The following ABCC8 variants were observed in gnomAD, a reference collection of about 807,000 sequenced individuals.
ABCC8 encodes the protein ATP-binding cassette sub-family C member 8.
ABCC8 carries 137 observed loss-of-function variants against 188.0 expected under a neutral mutation model. The observed-to-expected ratio is 0.73, with a 90% CI of 0.63 to 0.84. The LOEUF is 0.84. Ranked by LOEUF, ABCC8 falls within the 40% of genes least tolerant of loss-of-function variation. The pLI is 0.00. For missense variants in ABCC8, 1,750 were observed against 2,072.7 expected (o/e 0.84, Z 3.02); for synonymous variants, 797 against 846.5 (o/e 0.94, Z 1.01).
Position 17,427,967 on chromosome 11 carries a change from C to G in ABCC8, c.2041-25G>C. 6.2e-7 allele frequency: 1 copy of G among 1,609,846 alleles called. No homozygotes were observed. On this transcript the variant is annotated intron_variant, in intron 14 of 38. Coordinates refer to ENST00000389817, the MANE Select transcript of ABCC8 (RefSeq NM_000352.6). The surrounding 1 kb of genome is among the most constrained non-coding windows in gnomAD (Gnocchi z 5.0). ...TCTTCATTAGGCGTGTCCCACCGCC[C>G]AGGAGAGAACAGAAAGGCAGCCAGT... is the stretch of plus-strand genomic sequence containing the variant.
At chr11:17,436,262 G>T (rs1956092438) in intron 10 of ABCC8, 2 of 463,484 alleles carry the variant, frequency 4.3e-6, no homozygotes, top group Non-Finnish European at 8.0e-6. Flanking sequence ...GGGGCTCTGG[G>T]GTGGATGTGG....
chr11:17,405,358 A>C, intron 27 of ABCC8, 136 bp downstream of exon 27: 1 of 1,388,712 alleles, frequency 7.2e-7, no homozygotes, highest in Non-Finnish European at 1.0e-6. Context: ...CAGCATTATA[A>C]TCGGATCGGG....
intron 16 of ABCC8, among the ~76,000 whole-genome samples, chr11:17,419,886 A>G (rs1955256076): frequency 2.6e-5 from 4 of 152,206 alleles, no homozygotes; most frequent in Admixed American, 2.6e-4. Context: ...AAGCTCCTTT[A>G]CTTGGAGGAG....
chr11:17,396,244 T>G (rs534345639), intron 33 of ABCC8: 27 of 492,938 alleles, frequency 5.5e-5, no homozygotes, highest in Non-Finnish European at 9.9e-5. Context: ...TCTATGGGCA[T>G]GGGTGTGGCA....
At chr11:17,413,531 C>T in intron 19 of ABCC8, 53 bp from the exon 20 acceptor site, 2 of 1,612,498 alleles carry the variant, frequency 1.2e-6, no homozygotes, top group Non-Finnish European at 1.7e-6. Context: ...CAGAGTTGGC[C>T]CGAGCACTTG....
rs149279510 is a variant in ABCC8 at position 17,407,032 on chromosome 11, G to T, written c.3018C>A (p.Ser1006=). The T allele has an allele frequency of 1.9e-6, 3 of 1,614,180 alleles. No individual in the cohort carries two copies. Among genetic ancestry groups the T allele is most frequent in the Non-Finnish European group, 2.5e-6 (3 of 1,180,042 alleles). ...GCAACGACAGGAGCAGGATGCCGGCGGAGGACAGGTACTTGGCGCAGGCTC... is the reference window on the plus strand; with the variant it reads ...GCAACGACAGGAGCAGGATGCCGGCTGAGGACAGGTACTTGGCGCAGGCTC... ...PWRACAKYLS[S]AGILLLSLLV... The change falls in exon 25 of 39, where the codon TCC becomes TCA. Residue 1006 remains serine (S), a synonymous_variant. Coordinates refer to ENST00000389817, the MANE Select transcript of ABCC8 (RefSeq NM_000352.6).
intron 3 of ABCC8, among the ~76,000 whole-genome samples, chr11:17,466,565 A>G (rs536161667): frequency 2.4e-4 from 37 of 152,172 alleles, no homozygotes; most frequent in Non-Finnish European, 4.3e-4. Context: ...TGGGAAGATG[A>G]AAAAGTTCTG....
chr11:17,405,907 C>T (rs992280404), intron 26 of ABCC8, among the ~76,000 whole-genome samples: 6 of 152,354 alleles, frequency 3.9e-5, no homozygotes, highest in Non-Finnish European at 8.8e-5. Flanking sequence ...GACAGCCTGC[C>T]GGCTGGCTGA....
intron 10 of ABCC8, among the ~76,000 whole-genome samples, chr11:17,435,242 C>A (rs1033168395): frequency 1.4e-4 from 21 of 152,162 alleles, no homozygotes; most frequent in African/African-American, 5.1e-4. Flanking sequence ...CACCAATGAA[C>A]AGAATTGTCC....
chr11:17,468,460 G>A (rs1160363078), intron 3 of ABCC8, among the ~76,000 whole-genome samples: 1 of 152,176 alleles, frequency 6.6e-6, no homozygotes, highest in African/African-American at 2.4e-5. Flanking sequence ...TTACCCCAAG[G>A]ACGAAGTCTG....
intron 16 of ABCC8, among the ~76,000 whole-genome samples, chr11:17,421,703 T>C (rs1320148449): frequency 1.3e-5 from 2 of 152,158 alleles, no homozygotes; most frequent in Non-Finnish European, 2.9e-5. Flanking sequence ...TAAGGGAAAC[T>C]GGTAGAGAAA....
chr11:17,430,250 CAG>C (rs1955783291), intron 12 of ABCC8: 1 of 172,788 alleles, frequency 5.8e-6, no homozygotes, highest in Non-Finnish European at 1.3e-5. Flanking sequence ...GGGACAGTGG[CAG>C]AGTCCCCATG....
In ABCC8 at chr11:17,408,415, G is replaced by C. The variant is rs570388861; in HGVS notation, c.2797C>G (p.Arg933Gly). The C allele has an allele frequency of 3.1e-6, 5 of 1,613,576 alleles. No individual in the cohort carries two copies. The African/African-American group carries it at 6.7e-5, about 22-fold the overall frequency. Residue 933 changes from arginine (R) to glycine (G), a missense_variant, in exon 23 of 39, where the codon CGA (arginine) becomes GGA (glycine). Physicochemically the swap from Arg to Gly is moderately radical, Grantham distance 125. Transcript: ENST00000389817. Reference protein sequence around the residue: ...LFEHWKTLMNRQDQELEKETV... With the variant: ...LFEHWKTLMNGQDQELEKETV... Reference sequence around the variant, plus strand: ...ACCTTCTCCAGCTCTTGGTCCTGTCGGTTCATGAGGGTCTTCCAGTGCTCA... The same window carrying C: ...ACCTTCTCCAGCTCTTGGTCCTGTCCGTTCATGAGGGTCTTCCAGTGCTCA...
At position 17,406,763 on chromosome 11, in the gene ABCC8, T is replaced by C. The variant is rs758977437; in HGVS notation, c.3188A>G (p.Tyr1063Cys). ...GCAGAGCACCGTGAACACCATGGCA[T>C]AGACAGTCTGGTCGAGGGTGCACTC... The part of the protein sequence containing the change: ...SQECTLDQTV[Y>C]AMVFTVLCSL... Residue 1063 changes from tyrosine (Y) to cysteine (C), a missense_variant, in exon 26 of 39, where the codon TAT becomes TGT. Coordinates refer to ENST00000389817, the MANE Select transcript of ABCC8 (RefSeq NM_000352.6). 2.0e-5 allele frequency: 32 copies of C among 1,614,080 alleles called. No individual in the cohort carries two copies.
At chr11:17,442,266 A>G (rs924818708) in intron 10 of ABCC8, among the ~76,000 whole-genome samples, 1 of 152,090 alleles carries the variant, frequency 6.6e-6, no homozygotes, top group Non-Finnish European at 1.5e-5. Flanking sequence ...TTTAAGGATA[A>G]CTAGTCTTTT....
chr11:17,418,573 AT>A (rs142730923), intron 16 of ABCC8, among the ~76,000 whole-genome samples: 105 of 152,364 alleles, frequency 6.9e-4, no homozygotes, highest in African/African-American at 2.5e-3. Context: ...CACAGCCCAG[AT>A]AAGCTTATCT....
At chr11:17,457,038 A>G (rs1564969581) in intron 6 of ABCC8, among the ~76,000 whole-genome samples, 1 of 152,116 alleles carries the variant, frequency 6.6e-6, no homozygotes, top group Non-Finnish European at 1.5e-5. Context: ...CAACCAGGTG[A>G]AGGCTCCCTG....
intron 3 of ABCC8, among the ~76,000 whole-genome samples, chr11:17,464,840 A>G (rs1042696118): frequency 6.6e-6 from 1 of 152,204 alleles, no homozygotes; most frequent in Non-Finnish European, 1.5e-5. Context: ...CCAGATGCGG[A>G]TAAGGTCAGC....
intron 7 of ABCC8, 32 bp from the exon 8 acceptor site, chr11:17,448,703 T>C: frequency 1.2e-6 from 2 of 1,613,878 alleles, no homozygotes; most frequent in East Asian, 4.5e-5. Flanking sequence ...TTCACATTCA[T>C]CATCATTCTC....
Sources: gnomAD v4.1 joint callset for allele counts (sites outside exome capture counted in the v4.1 genomes callset) on GRCh38, gnomAD v4.1.1 for gene constraint, Gnocchi (gnomAD v3.1) non-coding constraint, MANE v1.5 for transcripts, NCBI Gene and HGNC (gene_info 2026-07-23, HGNC 2026-07-21) for gene names.